The following GPAT3 variants were observed in gnomAD, a reference collection of about 807,000 sequenced individuals.
GPAT3 encodes 1-AGP acyltransferase 9.
GPAT3 carries 53 observed loss-of-function variants against 58.8 expected under a neutral mutation model. The observed-to-expected ratio is 0.90, with a 90% CI of 0.72 to 1.13. The LOEUF is 1.13. Ranked by LOEUF, GPAT3 falls within the 50% of genes most tolerant of loss-of-function variation. GPAT3 has a pLI of 0.00. For synonymous variants in GPAT3, 197 were observed against 187.4 expected, an observed-to-expected ratio of 1.05 and a Z score of -0.42; for missense variants, 511 against 527.6, an observed-to-expected ratio of 0.97 and a Z score of 0.31.
intron 2 of GPAT3, among the ~76,000 whole-genome samples, chr4:83,566,284 C>G (rs1040266561): frequency 6.6e-6 from 1 of 152,178 alleles, no homozygotes; most frequent in African/African-American, 2.4e-5. Context: ...GGTGACCCAC[C>G]TGCCTGGGCC....
At chr4:83,571,684 GTA>G (rs147620205) in intron 2 of GPAT3, among the ~76,000 whole-genome samples, 62 of 147,676 alleles carry the variant, frequency 4.2e-4, no homozygotes, top group East Asian at 1.2e-3. Flanking sequence ...ATATATATGT[GTA>G]TATATATATA....
rs950001912 is a variant in GPAT3 at position 83,590,382 on chromosome 4, T to C, written c.738+90T>C. ...TTGGCATAAATTAGCAAGTTGGTTT[T>C]ATGTTAGAAATTTGACTGCGTTATA... is the stretch of plus-strand genomic sequence containing the variant. On this transcript the variant is annotated intron_variant, in intron 6 of 11. Coordinates refer to ENST00000264409, the MANE Select transcript of GPAT3 (RefSeq NM_032717.5). 2.5e-5 allele frequency: 32 copies of C among 1,275,542 alleles called. No individual in the cohort carries two copies. The Middle Eastern group carries it at 5.7e-4, about 23-fold the overall frequency. 79.0% of individuals were successfully genotyped at this position (1,275,542 alleles called of 1,614,324 possible). A position where few individuals can be genotyped will look rare whatever the true frequency, so the allele number is the denominator to read the frequency against.
Position 83,561,819 on chromosome 4 carries a change from A to AAAG in GPAT3, c.208+17218_208+17219insAGA, listed in dbSNP as rs535439555. Among the ~76,000 whole-genome samples the AAAG allele has an allele frequency of 1.0e-3, 153 of 151,466 alleles. 2 individuals carry two copies. Among genetic ancestry groups the AAAG allele is most frequent in the African/African-American group, 3.6e-3 (149 of 41,110 alleles). On this transcript the variant is annotated intron_variant, in intron 2 of 11. Coordinates refer to ENST00000264409, the MANE Select transcript of GPAT3 (RefSeq NM_032717.5). ...CCCCTTTTTTGGTAAAAAAAAAAAA[A>AAAG]AGAGAGAGAGAATTGCCTTGCCATT...
rs529137668 is a variant in GPAT3, at chr4:83,593,791, A to G, written c.739-1054A>G. On this transcript the variant is annotated intron_variant, in intron 6 of 11. Coordinates refer to ENST00000264409, the MANE Select transcript of GPAT3 (RefSeq NM_032717.5). ...TTCTTGGATGTTTCCCCCTTCCTTC[A>G]ATGCTGTTCTTTTACTCATTTAAAA... is the stretch of plus-strand genomic sequence containing the variant. Among the ~76,000 whole-genome samples the G allele has an allele frequency of 3.9e-5, 6 of 152,254 alleles. No individual in the cohort carries two copies. The East Asian group carries it at 1.2e-3, about 29-fold the overall frequency.
chr4:83,539,538 A>C (rs1724218863), intron 1 of GPAT3, among the ~76,000 whole-genome samples: 1 of 152,134 alleles, frequency 6.6e-6, no homozygotes, highest in Admixed American at 6.5e-5. Context: ...TACCCTCTAA[A>C]TTGCTGATTT....
chr4:83,594,920 G>T lies in GPAT3; in HGVS notation c.814G>T (p.Glu272Ter). The change falls in exon 7 of 12, where the codon GAA becomes TAA. Residue 272 changes from glutamate (E) to a stop codon, truncating the protein, a stop_gained. Transcript: ENST00000264409. LOFTEE classifies it high-confidence loss of function. ...CAAGGCTTGTCCTCATGTCTGGTTT[G>T]AACGCTCAGAAATGAAGGATCGACA... ...MVKACPHVWFERSEMKDRHLV... is the reference protein window; with the variant it reads ...MVKACPHVWF 1 of 1,613,914 alleles carries T rather than the reference G, an allele frequency of 6.2e-7. No homozygotes were observed. The highest frequency in any genetic ancestry group is 1.3e-5 in the African/African-American group (1 of 75,022).
intron 6 of GPAT3, 150 bp downstream of exon 6, chr4:83,590,442 C>T (rs1181441668): frequency 2.1e-5 from 14 of 665,054 alleles, no homozygotes; most frequent in Non-Finnish European, 3.5e-5. Context: ...AATGTATTTA[C>T]ATGAGGAATA....
At chr4:83,535,803 C>A (rs1199747577), upstream of GPAT3, 2 of 985,350 alleles carry the variant, frequency 2.0e-6, no homozygotes, top group Non-Finnish European at 2.4e-6. Context: ...GTTTTCCTGT[C>A]CTTGGAAGCC....
At chr4:83,548,842 AAGG>A (rs1465631209) in intron 2 of GPAT3, among the ~76,000 whole-genome samples, 3 of 152,088 alleles carry the variant, frequency 2.0e-5, no homozygotes, top group Non-Finnish European at 1.5e-5. Flanking sequence ...AACACTCAAA[AAGG>A]AGAAGGTACT....
At chr4:83,572,426 T>G (rs1725641065) in intron 2 of GPAT3, among the ~76,000 whole-genome samples, 1 of 152,230 alleles carries the variant, frequency 6.6e-6, no homozygotes, top group Non-Finnish European at 1.5e-5. Context: ...ATTAGTCACC[T>G]TATACCCATC....
chr4:83,536,358 C>G lies in GPAT3; in HGVS notation c.-265C>G. On this transcript the variant is annotated 5_prime_UTR_variant, in exon 1 of 12. Coordinates refer to ENST00000264409, the MANE Select transcript of GPAT3 (RefSeq NM_032717.5). ...GACCACTGGCTCGCGCTACCCAGGTCTCCGCACGCCGCGGTGGCTTCAGCC... is the reference window on the plus strand; with the variant it reads ...GACCACTGGCTCGCGCTACCCAGGTGTCCGCACGCCGCGGTGGCTTCAGCC... 1 of 1,215,814 alleles carries G rather than the reference C, an allele frequency of 8.2e-7. No individual in the cohort carries two copies. The highest frequency in any genetic ancestry group is 1.0e-6 in the Non-Finnish European group (1 of 973,568). 75.3% of individuals were successfully genotyped at this position (1,215,814 alleles called of 1,614,324 possible).
chr4:83,558,130 C>A (rs1725004383), intron 2 of GPAT3, among the ~76,000 whole-genome samples: 1 of 151,934 alleles, frequency 6.6e-6, no homozygotes, highest in African/African-American at 2.4e-5. Context: ...AGGAGAATCA[C>A]TTGAATTGGG....
intron 6 of GPAT3, among the ~76,000 whole-genome samples, chr4:83,594,501 T>G (rs1726736891): frequency 6.6e-6 from 1 of 152,218 alleles, no homozygotes; most frequent in South Asian, 2.1e-4. Flanking sequence ...TGTCAGAGTG[T>G]ATTGTCAAGC....
At chr4:83,593,084 C>T (rs935572994) in intron 6 of GPAT3, among the ~76,000 whole-genome samples, 1 of 150,908 alleles carries the variant, frequency 6.6e-6, no homozygotes, top group African/African-American at 2.4e-5. Flanking sequence ...CCAGGCTGGT[C>T]TCAAACTCCT....
At chr4:83,554,610 T>C (rs192776737) in intron 2 of GPAT3, among the ~76,000 whole-genome samples, 9 of 152,248 alleles carry the variant, frequency 5.9e-5, no homozygotes, top group Admixed American at 3.3e-4. Context: ...TGCTCTACAT[T>C]GCATGGCTGG....
At chr4:83,602,641 C>CT (rs1396514282) in intron 11 of GPAT3, among the ~76,000 whole-genome samples, 1 of 152,126 alleles carries the variant, frequency 6.6e-6, no homozygotes, top group Non-Finnish European at 1.5e-5. Flanking sequence ...AGTTTAAGTG[C>CT]TTAGAGCAGC....
chr4:83,572,761 A>T (rs767224447), intron 2 of GPAT3, among the ~76,000 whole-genome samples: 1 of 152,246 alleles, frequency 6.6e-6, no homozygotes, highest in Non-Finnish European at 1.5e-5. Flanking sequence ...ATAAAAATTT[A>T]AAAATGTTTG....
intron 2 of GPAT3, among the ~76,000 whole-genome samples, chr4:83,579,157 TTCTC>T (rs1186203584): frequency 2.3e-5 from 3 of 132,470 alleles, no homozygotes; most frequent in African/African-American, 8.3e-5. Context: ...CTCTCTCTCT[TTCTC>T]TCTTTCTCTT....
rs183304151 is a variant in GPAT3 at position 83,545,076 on chromosome 4, A to T, written c.208+474A>T. 4.8e-3 allele frequency among the ~76,000 whole-genome samples: 731 copies of T among 152,352 alleles called. 7 individuals are homozygous for T. The highest frequency in any genetic ancestry group is 0.029 in the South Asian group (138 of 4,832). ...TTCTCGTGAAATAAGTTTAGGAATC[A>T]TCACATACTATACTTGCCTTTGGAG... On this transcript the variant is annotated intron_variant, in intron 2 of 11. Transcript: ENST00000264409.
Sources: allele counts gnomAD v4.1 joint callset (sites outside exome capture counted in the v4.1 genomes callset), GRCh38; gene constraint gnomAD v4.1.1; transcripts MANE v1.5; gene names NCBI Gene and HGNC (gene_info 2026-07-23, HGNC 2026-07-21).